Variants in GPC5 observed in about 807,000 individuals in gnomAD.
GPC5 encodes glypican 5, also known as glypican-5.
In GPC5, 47 loss-of-function variants were observed where a neutral mutation model predicts 53.9. The observed-to-expected ratio is 0.87, with a 90% CI of 0.69 to 1.11. The LOEUF is 1.11. Ranked by LOEUF, GPC5 falls within the 50% of genes most tolerant of loss-of-function variation. The pLI, the probability that GPC5 is intolerant of heterozygous loss-of-function variation, is 0.00. For synonymous variants in GPC5, 286 were observed against 263.3 expected (o/e 1.09, Z -0.84); for missense variants, 748 against 713.1 (o/e 1.05, Z -0.56).
chr13:92,705,347 C>T (rs186800863), intron 7 of GPC5, among the ~76,000 whole-genome samples: 1 of 152,046 alleles, frequency 6.6e-6, no homozygotes, highest in Non-Finnish European at 1.5e-5. Flanking sequence ...ATGCAGTTTA[C>T]CAAGACTAAA....
chr13:92,490,565 C>T (rs7983525), intron 7 of GPC5, among the ~76,000 whole-genome samples: 95,634 of 151,718 alleles, frequency 0.63, 30,332 homozygotes, highest in East Asian at 0.74. Flanking sequence ...GCCTCAGTAT[C>T]CTGAGTTCTA....
intron 7 of GPC5, among the ~76,000 whole-genome samples, chr13:92,721,057 T>G (rs1888495965): frequency 6.6e-6 from 1 of 151,936 alleles, no homozygotes; most frequent in South Asian, 2.1e-4. Flanking sequence ...AAAGGTATAG[T>G]AAGAATCCAG....
At chr13:92,511,745 A>G (rs1880574280) in intron 7 of GPC5, among the ~76,000 whole-genome samples, 1 of 152,094 alleles carries the variant, frequency 6.6e-6, no homozygotes, top group African/African-American at 2.4e-5. Flanking sequence ...CCTTCTTCTG[A>G]TACTTAGCTC....
chr13:92,082,193 T>A (rs901153509), intron 6 of GPC5, among the ~76,000 whole-genome samples: 2 of 119,830 alleles, frequency 1.7e-5, no homozygotes, highest in African/African-American at 5.4e-5. Context: ...TGCTGAGACA[T>A]TATATATATA....
chr13:91,650,136 T>C lies in GPC5; in HGVS notation c.326-43051T>C, dbSNP rs371018179. Reference sequence around the variant, plus strand: ...CAATTTTCATGTGTACTTGTGTGTATGTATATGAAGTATGTATGTTATATA... The same window carrying C: ...CAATTTTCATGTGTACTTGTGTGTACGTATATGAAGTATGTATGTTATATA... On this transcript the variant is annotated intron_variant, in intron 2 of 7. Transcript: ENST00000377067. Among the ~76,000 whole-genome samples the C allele has an allele frequency of 1.1e-3, 164 of 152,302 alleles. 4 individuals carry two copies. In the South Asian group the frequency reaches 0.033, roughly 30 times the overall value.
intron 5 of GPC5, among the ~76,000 whole-genome samples, chr13:91,906,134 T>C (rs1258634658): frequency 6.6e-6 from 1 of 152,080 alleles, no homozygotes; most frequent in Non-Finnish European, 1.5e-5. Flanking sequence ...TGTGACCTCC[T>C]ATCCATTGCT....
chr13:92,499,207 G>A (rs1880095545), intron 7 of GPC5, among the ~76,000 whole-genome samples: 1 of 152,080 alleles, frequency 6.6e-6, no homozygotes, highest in Admixed American at 6.6e-5. Flanking sequence ...GTAATGTGAG[G>A]TGGCTCCAGG....
Position 92,488,291 on chromosome 13 carries a change from ATAT to A in GPC5, c.1561+343306_1561+343308del, listed in dbSNP as rs573707945. ...TCAAACCAATTTAAATCAAAGCATA[ATAT>A]TATCGAAAGATTTAAATTTATGCAT... On this transcript the variant is annotated intron_variant, in intron 7 of 7. Coordinates refer to ENST00000377067, the MANE Select transcript of GPC5 (RefSeq NM_004466.6). Among the ~76,000 whole-genome samples the A allele has an allele frequency of 1.4e-4, 22 of 152,336 alleles. No individual in the cohort carries two copies. The East Asian group carries it at 4.2e-3, about 29-fold the overall frequency.
intron 7 of GPC5, among the ~76,000 whole-genome samples, chr13:92,233,120 A>G (rs1361847567): frequency 6.6e-6 from 1 of 152,180 alleles, no homozygotes; most frequent in Non-Finnish European, 1.5e-5. Context: ...AACTCGTTTC[A>G]AAGTAATAAA....
At chr13:92,737,371 G>A (rs190682519) in intron 7 of GPC5, among the ~76,000 whole-genome samples, 33 of 152,120 alleles carry the variant, frequency 2.2e-4, no homozygotes, top group African/African-American at 7.0e-4. Context: ...CTTCAGGCCC[G>A]TCAGGAATTG....
chr13:91,731,188 G>A (rs1035964920), intron 4 of GPC5, among the ~76,000 whole-genome samples: 1 of 152,194 alleles, frequency 6.6e-6, no homozygotes. Context: ...TGCATAGCAG[G>A]TGTCAGGACA....
intron 5 of GPC5, among the ~76,000 whole-genome samples, chr13:91,891,111 A>G (rs1207191601): frequency 6.6e-6 from 1 of 152,208 alleles, no homozygotes; most frequent in Non-Finnish European, 1.5e-5. Flanking sequence ...GGAGGAATCT[A>G]AAATAATTCA....
chr13:92,728,230 T>C (rs1454420551), intron 7 of GPC5, among the ~76,000 whole-genome samples: 2 of 151,500 alleles, frequency 1.3e-5, no homozygotes, highest in Non-Finnish European at 3.0e-5. Flanking sequence ...CTCTTCTACA[T>C]GCCTCTAGGA....
intron 7 of GPC5, among the ~76,000 whole-genome samples, chr13:92,773,391 G>A (rs1460068063): frequency 6.6e-6 from 1 of 152,008 alleles, no homozygotes; most frequent in African/African-American, 2.4e-5. Flanking sequence ...TCTGCTGGCT[G>A]AACATGACTG....
intron 6 of GPC5, among the ~76,000 whole-genome samples, chr13:91,913,728 C>A (rs2039632808): frequency 6.6e-6 from 1 of 152,144 alleles, no homozygotes; most frequent in Admixed American, 6.5e-5. Flanking sequence ...ACATCTTTCT[C>A]CAGGTCAGCC....
chr13:91,501,351 C>T (rs560915811), intron 2 of GPC5, among the ~76,000 whole-genome samples: 3 of 150,536 alleles, frequency 2.0e-5, no homozygotes, highest in Admixed American at 1.3e-4. Flanking sequence ...CCCAGTAACT[C>T]GTCATTTAAC....
chr13:91,496,794 G>A (rs553945), intron 2 of GPC5, among the ~76,000 whole-genome samples: 76,200 of 151,896 alleles, frequency 0.5, 19,438 homozygotes, highest in East Asian at 0.75. Flanking sequence ...TAATCATAAC[G>A]CAAAAGATGA....
chr13:91,520,654 A>T lies in GPC5; in HGVS notation c.325+71732A>T, dbSNP rs116138185. Among the ~76,000 whole-genome samples, 1,166 of 151,958 alleles carry T rather than the reference A, an allele frequency of 7.7e-3. 18 individuals carry two copies. The highest frequency in any genetic ancestry group is 0.027 in the African/African-American group (1,130 of 41,420). ...TCCTTAAATCTATTTCCATATATATATATGTGTGGGTATATATGTGTGTAT... is the reference window on the plus strand; with the variant it reads ...TCCTTAAATCTATTTCCATATATATTTATGTGTGGGTATATATGTGTGTAT... On this transcript the variant is annotated intron_variant, in intron 2 of 7. Transcript: ENST00000377067.
chr13:92,699,552 C>G (rs1887662662), intron 7 of GPC5, among the ~76,000 whole-genome samples: 1 of 152,108 alleles, frequency 6.6e-6, no homozygotes, highest in Admixed American at 6.6e-5. Context: ...CCTGCTTTCT[C>G]TTGTGGGCAT....
Sources: allele counts gnomAD v4.1 joint callset (sites outside exome capture counted in the v4.1 genomes callset), GRCh38; gene constraint gnomAD v4.1.1; transcripts MANE v1.5; gene names NCBI Gene and HGNC (gene_info 2026-07-23, HGNC 2026-07-21).